MECR: variants seen among roughly 807,000 people sequenced by gnomAD.
MECR encodes mitochondrial trans-2-enoyl-CoA reductase.
Under a neutral mutation model 49.1 loss-of-function variants are expected in MECR, and 37 were observed. That is an observed-to-expected ratio of 0.75 (90% CI 0.58 to 0.99). MECR has a LOEUF of 0.99. Among genes scored for constraint, MECR ranks in the 50% least tolerant of loss-of-function variants. The pLI is 0.00. For missense variants in MECR, 470 were observed against 479.6 expected (o/e 0.98, Z 0.19); for synonymous variants, 198 against 191.1 (o/e 1.04, Z -0.30).
intron 3 of MECR, among the ~76,000 whole-genome samples, chr1:29,209,095 G>A (rs553537465): frequency 2.0e-5 from 3 of 152,246 alleles, no homozygotes; most frequent in South Asian, 2.1e-4. Flanking sequence ...AGCAGGGGCC[G>A]GGCAGGTGAT....
chr1:29,194,584 G>A (rs940985575), intron 9 of MECR, among the ~76,000 whole-genome samples: 1 of 152,172 alleles, frequency 6.6e-6, no homozygotes. Flanking sequence ...GCCAAGTGAT[G>A]TGGAACAGTT....
At chr1:29,230,681 G>A in intron 1 of MECR, 50 bp downstream of exon 1, 1 of 1,542,976 alleles carries the variant, frequency 6.5e-7, no homozygotes, top group Non-Finnish European at 8.8e-7. Flanking sequence ...TCGTGTTAAA[G>A]CCTTCCAGAA....
At chr1:29,172,923 T>C in the MECR span, 3 of 152,074 alleles carry the variant, frequency 2.0e-5, no homozygotes, top group South Asian at 2.1e-4. Flanking sequence ...TGCCATACAA[T>C]GGATTTTATG....
chr1:29,181,822 A>ACGGCGGCAG, the MECR span: 4 of 1,328,760 alleles, frequency 3.0e-6, no homozygotes, highest in East Asian at 2.9e-5. Context: ...AAGCGAGAGC[A>ACGGCGGCAG]CGGCGGCAGC....
chr1:29,220,167 G>C (rs1251267808), intron 1 of MECR, among the ~76,000 whole-genome samples: 1 of 150,810 alleles, frequency 6.6e-6, no homozygotes, highest in African/African-American at 2.4e-5. Flanking sequence ...GAGGAGGGTG[G>C]ATCAATTGAG....
At chr1:29,190,328 T>C (rs1421085003), downstream of MECR, among the ~76,000 whole-genome samples, 1 of 151,424 alleles carries the variant, frequency 6.6e-6, no homozygotes, top group Admixed American at 6.6e-5. Flanking sequence ...TGAGCCGACA[T>C]CGCGCCACCC....
chr1:29,192,847 A>G lies in MECR; in HGVS notation c.*1175T>C, dbSNP rs750649473. 6.6e-6 allele frequency: 1 copy of G among 152,052 alleles called. No individual in the cohort carries two copies. The highest frequency in any genetic ancestry group is 2.4e-5 in the African/African-American group (1 of 41,392). 9.4% of individuals were successfully genotyped at this position (152,052 alleles called of 1,614,324 possible). A position where few individuals can be genotyped will look rare whatever the true frequency, so the allele number is the denominator to read the frequency against. ...TTATTCTGCTCTTACAGCACCCCAC[A>G]TATCTTCTTTACAGCATTAGTCACT... On this transcript the variant is annotated 3_prime_UTR_variant, in exon 10 of 10. Transcript: ENST00000263702.
At chr1:29,175,694 CAAAAAAAAAA>C in the MECR span, among the ~76,000 whole-genome samples, 14 of 38,588 alleles carry the variant, frequency 3.6e-4, no homozygotes, top group South Asian at 2.2e-3. Context: ...GACGCTGTCT[CAAAAAAAAAA>C]AAAAAAAAAA....
chr1:29,171,777 T>C, the MECR span: 1 of 152,190 alleles, frequency 6.6e-6, no homozygotes, highest in African/African-American at 2.4e-5. Context: ...ACCGAGTCTA[T>C]ATCCTGTGCC....
intron 1 of MECR, among the ~76,000 whole-genome samples, chr1:29,222,256 G>T (rs1680953214): frequency 6.6e-6 from 1 of 151,924 alleles, no homozygotes; most frequent in South Asian, 2.1e-4. Context: ...ACCACGCCTG[G>T]CTAATTTTTT....
chr1:29,216,952 T>C (rs1468384836), intron 1 of MECR: 6 of 508,326 alleles, frequency 1.2e-5, no homozygotes, highest in Non-Finnish European at 1.5e-5. Context: ...CTGGCCAACA[T>C]GGTGAAAACC....
At chr1:29,229,501 G>A (rs1017793446) in intron 1 of MECR, among the ~76,000 whole-genome samples, 10 of 152,226 alleles carry the variant, frequency 6.6e-5, no homozygotes, top group African/African-American at 2.4e-4. Flanking sequence ...ACCGTGCCCA[G>A]CTCTAGCCTG....
chr1:29,206,349 A>C (rs1676565613), intron 4 of MECR, among the ~76,000 whole-genome samples: 1 of 152,228 alleles, frequency 6.6e-6, no homozygotes, highest in African/African-American at 2.4e-5. Flanking sequence ...AATGCCTGTC[A>C]ACGCACTTCT....
rs1673212319 is a variant in MECR at position 29,192,911 on chromosome 1, C to T, written c.*1111G>A. On this transcript the variant is annotated 3_prime_UTR_variant, in exon 10 of 10. Transcript: ENST00000263702. ...TGAGATTGTTTAATGCACGGTTTATCAACGACCTCATGAACATTGAACATT... is the reference window on the plus strand; with the variant it reads ...TGAGATTGTTTAATGCACGGTTTATTAACGACCTCATGAACATTGAACATT... The T allele has an allele frequency of 6.6e-6, 1 of 151,748 alleles. No homozygotes were observed. Among genetic ancestry groups the T allele is most frequent in the South Asian group, 2.1e-4 (1 of 4,812 alleles). The allele number at this position is 151,748 out of a possible 1,614,324, so 9.4% of individuals were successfully genotyped here. A position where few individuals can be genotyped will look rare whatever the true frequency, so the allele number is the denominator to read the frequency against.
chr1:29,181,135 G>C, the MECR span, among the ~76,000 whole-genome samples: 45,878 of 152,164 alleles, frequency 0.3, 7,281 homozygotes, highest in Middle Eastern at 0.36. Flanking sequence ...CCAAAAAAGC[G>C]TGGCACACGG....
At chr1:29,216,822 A>C in intron 1 of MECR, 137 bp from the exon 2 acceptor site, 2 of 1,508,518 alleles carry the variant, frequency 1.3e-6, no homozygotes, top group Non-Finnish European at 1.8e-6. Context: ...TCTGTTATAA[A>C]AGAGAGGTAC....
chr1:29,222,335 G>A (rs1027529905), intron 1 of MECR, among the ~76,000 whole-genome samples: 2 of 152,074 alleles, frequency 1.3e-5, no homozygotes, highest in African/African-American at 2.4e-5. Context: ...CTGACCTCAT[G>A]ATCCACCCGC....
intron 1 of MECR, among the ~76,000 whole-genome samples, chr1:29,228,353 CTTT>C (rs5773235): frequency 3.3e-4 from 45 of 134,540 alleles, no homozygotes; most frequent in African/African-American, 2.7e-4. Flanking sequence ...GTGGAAGTAT[CTTT>C]TTTTTTTTTT....
At chr1:29,186,476 C>G in the MECR span, among the ~76,000 whole-genome samples, 6 of 152,224 alleles carry the variant, frequency 3.9e-5, no homozygotes, top group African/African-American at 1.4e-4. Context: ...TTCTCCACCA[C>G]TGGAATGTAA....
Sources: allele counts gnomAD v4.1 joint callset (sites outside exome capture counted in the v4.1 genomes callset), GRCh38; gene constraint gnomAD v4.1.1; transcripts MANE v1.5; gene names NCBI Gene and HGNC (gene_info 2026-07-23, HGNC 2026-07-21).